The following NUDT5 variants were observed in gnomAD, a reference collection of about 807,000 sequenced individuals.
The protein encoded by NUDT5 is ADP-sugar pyrophosphatase.
Under a neutral mutation model 34.1 loss-of-function variants are expected in NUDT5, and 21 were observed. The observed-to-expected ratio is 0.62, with a 90% CI of 0.44 to 0.89. NUDT5 has a LOEUF of 0.89. Among genes scored for constraint, NUDT5 ranks in the 40% least tolerant of loss-of-function variants. The pLI is 0.00. For synonymous variants in NUDT5, 85 were observed against 97.6 expected, an observed-to-expected ratio of 0.87 and a Z score of 0.76; for missense variants, 249 against 274.8, an observed-to-expected ratio of 0.91 and a Z score of 0.66.
Position 12,182,615 on chromosome 10 carries a change from G to A in NUDT5, c.131+2274C>T, listed in dbSNP as rs1199032897. Among the ~76,000 whole-genome samples the A allele has an allele frequency of 6.6e-6, 1 of 152,208 alleles. No individual in the cohort carries two copies. Among genetic ancestry groups the A allele is most frequent in the Non-Finnish European group, 1.5e-5 (1 of 68,040 alleles). ...TACTGAAATAGATATTCTGAAGTGA[G>A]ATTTCGTCGTATTTTCAGAAAAGTC... On this transcript the variant is annotated intron_variant, in intron 3 of 9. Transcript: ENST00000491614. This position sits in a 1 kb window ranked among gnomAD's most constrained non-coding sequence, Gnocchi z 4.3.
intron 9 of NUDT5, 126 bp from the exon 10 acceptor site, chr10:12,167,937 G>T: frequency 7.0e-7 from 1 of 1,436,774 alleles, no homozygotes; most frequent in Non-Finnish European, 9.1e-7. Context: ...TGGTGATAAC[G>T]TTTTTTTTGG....
At chr10:12,179,327 A>G (rs563725003) in intron 3 of NUDT5, among the ~76,000 whole-genome samples, 195 bp from the exon 4 acceptor site, 2 of 152,342 alleles carry the variant, frequency 1.3e-5, no homozygotes, top group East Asian at 3.9e-4. Context: ...AAAATTAACA[A>G]CGAAAACTCT....
Position 12,182,290 on chromosome 10 carries a change from A to T in NUDT5, c.131+2599T>A, listed in dbSNP as rs973024815. On this transcript the variant is annotated intron_variant, in intron 3 of 9. Transcript: ENST00000491614. This position sits in a 1 kb window ranked among gnomAD's most constrained non-coding sequence, Gnocchi z 4.3. ...TCTCCAGCTGGGGCATCATGTTGGCAATGAAAAGGTTTTGGATTTTGCAGC... is the reference window on the plus strand; with the variant it reads ...TCTCCAGCTGGGGCATCATGTTGGCTATGAAAAGGTTTTGGATTTTGCAGC... Among the ~76,000 whole-genome samples the T allele has an allele frequency of 2.0e-5, 3 of 152,194 alleles. No individual in the cohort carries two copies. The highest frequency in any genetic ancestry group is 4.4e-5 in the Non-Finnish European group (3 of 68,044).
chr10:12,179,014 T>G (rs754576542), intron 4 of NUDT5, 69 bp downstream of exon 4: 67 of 1,323,398 alleles, frequency 5.1e-5, no homozygotes, highest in Non-Finnish European at 7.1e-5. Context: ...TTGGTTCCAT[T>G]GAAAACCCTC....
intron 3 of NUDT5, among the ~76,000 whole-genome samples, chr10:12,183,992 A>C (rs1246187210): frequency 6.6e-6 from 1 of 152,120 alleles, no homozygotes; most frequent in African/African-American, 2.4e-5. Flanking sequence ...TTTGGTGAAC[A>C]TTTTCTATAC....
In NUDT5 at chr10:12,170,104, C is replaced by T. The variant is rs751171348; in HGVS notation, c.550+613G>A. ...CATGTCTCCATACAGTATCTCCTCTCGTGGTTTTATCAAAGGACTTTTCTC... is the reference window on the plus strand; with the variant it reads ...CATGTCTCCATACAGTATCTCCTCTTGTGGTTTTATCAAAGGACTTTTCTC... On this transcript the variant is annotated intron_variant, in intron 9 of 9. Coordinates refer to ENST00000491614, the MANE Select transcript of NUDT5 (RefSeq NM_014142.4). The surrounding 1 kb of genome is among the most constrained non-coding windows in gnomAD (Gnocchi z 4.9). 1.4e-5 allele frequency: 23 copies of T among 1,611,116 alleles called. No individual in the cohort carries two copies. Among genetic ancestry groups the T allele is most frequent in the African/African-American group, 6.7e-5 (5 of 74,884 alleles).
chr10:12,169,134 A>T lies in NUDT5; in HGVS notation c.551-1323T>A. On this transcript the variant is annotated intron_variant, in intron 9 of 9. Transcript: ENST00000491614. The surrounding 1 kb of genome is among the most constrained non-coding windows in gnomAD (Gnocchi z 4.8). ...TGTTGCTGGTTGAATAAACGGTTTG[A>T]TTACTGTATTTTGATTCTGCTAAAG... The T allele has an allele frequency of 1.7e-6, 1 of 586,914 alleles. No homozygotes were observed. The highest frequency in any genetic ancestry group is 3.0e-6 in the Non-Finnish European group (1 of 329,376). The allele number at this position is 586,914 out of a possible 1,614,324, so 36.4% of individuals were successfully genotyped here.
chr10:12,170,361 T>G lies in NUDT5; in HGVS notation c.550+356A>C. On this transcript the variant is annotated intron_variant, in intron 9 of 9. Coordinates refer to ENST00000491614, the MANE Select transcript of NUDT5 (RefSeq NM_014142.4). This position sits in a 1 kb window ranked among gnomAD's most constrained non-coding sequence, Gnocchi z 4.9. ...AGGACCATCCCTCATACTAGCATAC[T>G]TGAGGAAAAGCTAACAGCTTATCTA... 1 of 682,218 alleles carries G rather than the reference T, an allele frequency of 1.5e-6. No homozygotes were observed. The highest frequency in any genetic ancestry group is 1.8e-5 in the South Asian group (1 of 54,122). The allele number at this position is 682,218 out of a possible 1,614,324, so 42.3% of individuals were successfully genotyped here.
intron 3 of NUDT5, among the ~76,000 whole-genome samples, chr10:12,180,027 G>T (rs763290537): frequency 4.6e-5 from 7 of 152,162 alleles, no homozygotes; most frequent in Non-Finnish European, 8.8e-5. Flanking sequence ...TGGCTCTGGG[G>T]CTTGGGATAA....
At chr10:12,178,805 G>A (rs920934480) in intron 4 of NUDT5, among the ~76,000 whole-genome samples, 3 of 152,138 alleles carry the variant, frequency 2.0e-5, no homozygotes, top group African/African-American at 4.8e-5. Flanking sequence ...GTCATAACAC[G>A]TCTAGACACA....
chr10:12,177,762 C>T (rs1834978524), intron 5 of NUDT5, 31 bp downstream of exon 5: 4 of 1,501,104 alleles, frequency 2.7e-6, no homozygotes, highest in South Asian at 2.3e-5. Flanking sequence ...GCCAACATCC[C>T]TAAGAAGCAA....
Position 12,167,120 on chromosome 10 carries a change from A to T in NUDT5, c.*582T>A, listed in dbSNP as rs1834718473. The T allele has an allele frequency of 6.3e-6, 1 of 159,322 alleles. No individual in the cohort carries two copies. The highest frequency in any genetic ancestry group is 2.4e-5 in the African/African-American group (1 of 41,476). The allele number at this position is 159,322 out of a possible 1,614,324, so 9.9% of individuals were successfully genotyped here. ...ATGGAGTCAACCGTTTTCCTTACTT[A>T]AAAGCTGGTTCAGCCTCAGTAAATA... On this transcript the variant is annotated 3_prime_UTR_variant, in exon 10 of 10. Coordinates refer to ENST00000491614, the MANE Select transcript of NUDT5 (RefSeq NM_014142.4).
At position 12,184,892 on chromosome 10, in the gene NUDT5, G is replaced by C. The variant is rs543267377; in HGVS notation, c.128C>G (p.Thr43Ser). Residue 43 changes from threonine to serine, a missense_variant, in exon 3 of 10, where the codon ACT becomes AGT. Thr to Ser is a moderately conservative substitution (Grantham distance 58, BLOSUM62 1). Coordinates refer to ENST00000491614, the MANE Select transcript of NUDT5 (RefSeq NM_014142.4). ...GTAAGAAAAAAAAAAAGTTTACCTA[G>C]TTTTACCAGTAGGATCCATGTACGT... Reference protein sequence around the residue: ...KTTYMDPTGKTRTWESVKRTT... With the variant: ...KTTYMDPTGKSRTWESVKRTT... 1.3e-6 allele frequency: 2 copies of C among 1,530,738 alleles called. No individual in the cohort carries two copies. Among genetic ancestry groups the C allele is most frequent in the Non-Finnish European group, 1.8e-6 (2 of 1,124,120 alleles). 94.8% of individuals were successfully genotyped at this position (1,530,738 alleles called of 1,614,324 possible).
rs376449071 is a variant in NUDT5, at chr10:12,170,838, C to G, written c.496+62G>C. The G allele has an allele frequency of 1.6e-4, 265 of 1,613,278 alleles. 1 individual carries two copies. The African/African-American group carries it at 3.2e-3, about 19-fold the overall frequency. ...AGCCTACCAAAACAACCCAAAATGTCTGCAGCCATCACCACTACACTAAGT... is the reference window on the plus strand; with the variant it reads ...AGCCTACCAAAACAACCCAAAATGTGTGCAGCCATCACCACTACACTAAGT... On this transcript the variant is annotated intron_variant, in intron 8 of 9. Transcript: ENST00000491614. This position sits in a 1 kb window ranked among gnomAD's most constrained non-coding sequence, Gnocchi z 4.9.
At chr10:12,191,314 T>A (rs1588663522) in intron 1 of NUDT5, among the ~76,000 whole-genome samples, 1 of 150,966 alleles carries the variant, frequency 6.6e-6, no homozygotes, top group Admixed American at 6.6e-5. Context: ...ACCCGGGAGG[T>A]GGAGCTTGCA....
chr10:12,193,682 C>T lies in NUDT5; in HGVS notation c.-42+2088G>A, dbSNP rs370138283. Among the ~76,000 whole-genome samples the T allele has an allele frequency of 3.3e-5, 5 of 152,262 alleles. No homozygotes were observed. In the East Asian group the frequency reaches 7.7e-4, roughly 24 times the overall value. ...TGCTGGTTAAATGTGTAACAAGTTA[C>T]TTAAAACCAACTGTAATACCAAAAA... On this transcript the variant is annotated intron_variant, in intron 1 of 9. Coordinates refer to ENST00000491614, the MANE Select transcript of NUDT5 (RefSeq NM_014142.4).
intron 1 of NUDT5, among the ~76,000 whole-genome samples, chr10:12,190,179 G>A (rs1405437362): frequency 6.6e-6 from 1 of 152,142 alleles, no homozygotes; most frequent in African/African-American, 2.4e-5. Flanking sequence ...GTGAGTCACC[G>A]CGCCAGCGAG....
chr10:12,175,955 C>T lies in NUDT5; in HGVS notation c.289+1838G>A, dbSNP rs777909102. On this transcript the variant is annotated intron_variant, in intron 5 of 9. Transcript: ENST00000491614. The surrounding 1 kb of genome is among the most constrained non-coding windows in gnomAD (Gnocchi z 4.8). ...AAAGTAATTAAATAGCCTGGCCAGG[C>T]GTGGTGGCTCACGCCTGTAATCCCA... Among the ~76,000 whole-genome samples the T allele has an allele frequency of 1.5e-4, 22 of 151,468 alleles. No individual in the cohort carries two copies. Among genetic ancestry groups the T allele is most frequent in the Non-Finnish European group, 1.0e-4 (7 of 67,810 alleles).
chr10:12,179,031 T>C (rs747159951), intron 4 of NUDT5, 52 bp downstream of exon 4: 11 of 1,466,056 alleles, frequency 7.5e-6, no homozygotes, highest in Admixed American at 3.4e-5. Context: ...CCTCTTACGA[T>C]CACAAGTGCT....
Sources: gnomAD v4.1 joint callset for allele counts (sites outside exome capture counted in the v4.1 genomes callset) on GRCh38, gnomAD v4.1.1 for gene constraint, Gnocchi (gnomAD v3.1) non-coding constraint, MANE v1.5 for transcripts, NCBI Gene and HGNC (gene_info 2026-07-23, HGNC 2026-07-21) for gene names.